Variants in FBN2 observed in about 807,000 individuals in gnomAD.
FBN2 encodes fibrillin 2.
In FBN2, 105 loss-of-function variants were observed where a neutral mutation model predicts 355.6. That is an observed-to-expected ratio of 0.30 (90% CI 0.25 to 0.35). The LOEUF is 0.35. Among genes scored for constraint, FBN2 ranks in the 10% least tolerant of loss-of-function variants. The pLI, the probability that FBN2 is intolerant of heterozygous loss-of-function variation, is 1.00. For synonymous variants in FBN2, 1,350 were observed against 1,301.2 expected (o/e 1.04, Z -0.81); for missense variants, 3,280 against 3,758.7 (o/e 0.87, Z 3.33).
intron 27 of FBN2, 120 bp downstream of exon 27, chr5:128,337,877 A>G (rs539680396): frequency 4.5e-6 from 5 of 1,108,986 alleles, no homozygotes; most frequent in South Asian, 2.6e-5. Context: ...GGGAATCTCA[A>G]TTTCCACCTT....
intron 48 of FBN2, among the ~76,000 whole-genome samples, chr5:128,299,253 AT>A (rs1345144330): frequency 6.6e-6 from 1 of 151,778 alleles, no homozygotes; most frequent in Non-Finnish European, 1.5e-5. Flanking sequence ...AGACAGGGAC[AT>A]TTAAGTCTGC....
At chr5:128,435,374 CT>C (rs1753746509) in intron 7 of FBN2, among the ~76,000 whole-genome samples, 2 of 152,074 alleles carry the variant, frequency 1.3e-5, no homozygotes, top group Non-Finnish European at 2.9e-5. Flanking sequence ...TTTTTGTTAG[CT>C]TTTTAAAAGA....
intron 5 of FBN2, among the ~76,000 whole-genome samples, chr5:128,466,423 A>C (rs1303845688): frequency 6.6e-6 from 1 of 152,216 alleles, no homozygotes. Flanking sequence ...GGAAGAGTCA[A>C]TAATGTTGGT....
chr5:128,266,784 G>A (rs920351733), intron 62 of FBN2, among the ~76,000 whole-genome samples: 1 of 151,436 alleles, frequency 6.6e-6, no homozygotes, highest in African/African-American at 2.4e-5. Context: ...AAAGTGGTGG[G>A]CTTCATATTT....
At position 128,318,871 on chromosome 5, in the gene FBN2, G is replaced by T; in HGVS notation, c.4594+8C>A. On this transcript the variant is annotated splice_region_variant and intron_variant, in intron 35 of 64. Coordinates refer to ENST00000262464, the MANE Select transcript of FBN2 (RefSeq NM_001999.4). ...TCAGAACACAACTTAGCTGGTAACT[G>T]ACCATACCTGTACAGTTCCCTCCTG... 6.2e-7 allele frequency: 1 copy of T among 1,612,242 alleles called. No homozygotes were observed. Among genetic ancestry groups the T allele is most frequent in the South Asian group, 1.1e-5 (1 of 90,898 alleles).
At chr5:128,348,048 A>G (rs1751233969) in intron 23 of FBN2, among the ~76,000 whole-genome samples, 1 of 152,214 alleles carries the variant, frequency 6.6e-6, no homozygotes, top group Non-Finnish European at 1.5e-5. Context: ...CAGCCTCCCA[A>G]AGTGCTGGGA....
chr5:128,529,327 A>G (rs1756646688), intron 3 of FBN2, among the ~76,000 whole-genome samples: 2 of 152,194 alleles, frequency 1.3e-5, no homozygotes, highest in Non-Finnish European at 2.9e-5. Flanking sequence ...CTAAAAAGGA[A>G]TGATCAAGAA....
At chr5:128,481,581 T>C (rs1755189758) in intron 5 of FBN2, among the ~76,000 whole-genome samples, 1 of 152,190 alleles carries the variant, frequency 6.6e-6, no homozygotes, top group Non-Finnish European at 1.5e-5. Flanking sequence ...TCCGCTAACA[T>C]TCCAGATACA....
chr5:128,408,701 T>C lies in FBN2; in HGVS notation c.1051A>G (p.Thr351Ala), dbSNP rs754363561. ...YFCVCPRGYV[T>A]STDGSRCIDQ... The stretch of plus-strand genomic sequence containing the variant: ...ATGCATCGAGAGCCATCTGTTGAGG[T>C]TACATATCCACGTGGACAAACACAA... The change falls in exon 8 of 65, where the codon ACC becomes GCC. Residue 351 changes from threonine to alanine, a missense_variant. Physicochemically the swap from Thr to Ala is moderately conservative, Grantham distance 58. Coordinates refer to ENST00000262464, the MANE Select transcript of FBN2 (RefSeq NM_001999.4). 3.7e-6 allele frequency: 6 copies of C among 1,613,978 alleles called. No individual in the cohort carries two copies. In the East Asian group the frequency reaches 6.7e-5, roughly 18 times the overall value.
rs145583277 is a variant in FBN2, at chr5:128,290,877, G to T, written c.6300C>A (p.Arg2100=). Residue 2100 remains arginine, a synonymous_variant, in exon 50 of 65, where the codon CGC becomes CGA. Transcript: ENST00000262464. ...CAAAATTTGTGAAGCAGAAGCTCTG[G>T]CGAGTATCTAATCAAAAAAGCAAAC... ...SDNGRRCFDT[R]QSFCFTNFEN... is the part of the protein sequence containing the mutation. 1.2e-6 allele frequency: 2 copies of T among 1,613,796 alleles called. No homozygotes were observed. The highest frequency in any genetic ancestry group is 1.7e-6 in the Non-Finnish European group (2 of 1,179,768).
At position 128,288,517 on chromosome 5, in the gene FBN2, A is replaced by G. The variant is rs2126818668; in HGVS notation, c.6678T>C (p.Gly2226=). The G allele has an allele frequency of 6.2e-7, 1 of 1,613,828 alleles. No homozygotes were observed. The highest frequency in any genetic ancestry group is 8.5e-7 in the Non-Finnish European group (1 of 1,179,736). The change falls in exon 53 of 65, where the codon GGT becomes GGC. Residue 2226 remains glycine, a synonymous_variant. Coordinates refer to ENST00000262464, the MANE Select transcript of FBN2 (RefSeq NM_001999.4). The part of the protein sequence containing the change: ...ECSIGNPCGN[G]TCTNVIGSFE... Reference sequence around the variant, plus strand: ...AACTCCCAATAACATTGGTGCATGTACCATTTCCACACGGATTGCCGATTG... The same window carrying G: ...AACTCCCAATAACATTGGTGCATGTGCCATTTCCACACGGATTGCCGATTG...
chr5:128,481,245 T>G (rs1328441213), intron 5 of FBN2, among the ~76,000 whole-genome samples: 4 of 152,194 alleles, frequency 2.6e-5, no homozygotes, highest in Admixed American at 2.6e-4. Flanking sequence ...GCATAGCATT[T>G]ATCCAGTTCT....
chr5:128,378,825 A>G lies in FBN2; in HGVS notation c.1669T>C (p.Tyr557His). The change falls in exon 12 of 65, where the codon TAT becomes CAT. Residue 557 changes from tyrosine (Y) to histidine (H), a missense_variant. Physicochemically the swap from Tyr to His is moderately conservative, Grantham distance 83 (BLOSUM62 2). Coordinates refer to ENST00000262464, the MANE Select transcript of FBN2 (RefSeq NM_001999.4). ...TGGAATCCAGCATGACATTTACAAT[A>G]ATAGGAACCAGGTGTGTTAACACAA... ...GDCVNTPGSYYCKCHAGFQRT... is the reference protein window; with the variant it reads ...GDCVNTPGSYHCKCHAGFQRT... 6.2e-7 allele frequency: 1 copy of G among 1,613,310 alleles called. No homozygotes were observed. The highest frequency in any genetic ancestry group is 8.5e-7 in the Non-Finnish European group (1 of 1,179,412).
At chr5:128,316,957 CT>C (rs547249559) in intron 36 of FBN2, among the ~76,000 whole-genome samples, 87 of 152,296 alleles carry the variant, frequency 5.7e-4, no homozygotes, top group Middle Eastern at 3.4e-3. Flanking sequence ...TTGAGAATCA[CT>C]TTGCGAACTG....
chr5:128,429,323 C>T (rs1314904371), intron 7 of FBN2, among the ~76,000 whole-genome samples: 1 of 152,166 alleles, frequency 6.6e-6, no homozygotes, highest in Non-Finnish European at 1.5e-5. Context: ...CACTTCTGTT[C>T]TCCCTCCTCC....
intron 59 of FBN2, 55 bp from the exon 60 acceptor site, chr5:128,274,738 C>A: frequency 9.1e-7 from 1 of 1,101,550 alleles, no homozygotes; most frequent in East Asian, 2.4e-5. Flanking sequence ...GCTATGTTTC[C>A]TTTCTTGTGA....
intron 14 of FBN2, among the ~76,000 whole-genome samples, chr5:128,376,505 C>T (rs1253808574): frequency 1.3e-5 from 2 of 152,148 alleles, no homozygotes; most frequent in Admixed American, 1.3e-4. Flanking sequence ...CTGTCAGTTC[C>T]TTAATTTTTC....
At chr5:128,399,084 T>C (rs1415433255) in intron 8 of FBN2, among the ~76,000 whole-genome samples, 1 of 152,124 alleles carries the variant, frequency 6.6e-6, no homozygotes, top group Non-Finnish European at 1.5e-5. Flanking sequence ...ATAAGCAGAA[T>C]GGGAAAGAAG....
intron 33 of FBN2, among the ~76,000 whole-genome samples, chr5:128,329,824 A>G (rs149387894): frequency 6.6e-6 from 1 of 152,364 alleles, no homozygotes; most frequent in East Asian, 1.9e-4. Flanking sequence ...AAATCAATTG[A>G]GAAACCCTTA....
Sources: gnomAD v4.1 joint callset for allele counts (sites outside exome capture counted in the v4.1 genomes callset) on GRCh38, gnomAD v4.1.1 for gene constraint, MANE v1.5 for transcripts, NCBI Gene and HGNC (gene_info 2026-07-23, HGNC 2026-07-21) for gene names.